The following HIVEP3 variants were observed in gnomAD, a reference collection of about 807,000 sequenced individuals.
The protein encoded by HIVEP3 is transcription factor HIVEP3.
Under a neutral mutation model 152.8 loss-of-function variants are expected in HIVEP3, and 49 were observed. The observed-to-expected ratio is 0.32, with a 90% CI of 0.26 to 0.41. The LOEUF is 0.41. Ranked by LOEUF, HIVEP3 falls within the 10% of genes least tolerant of loss-of-function variation. The pLI is 1.00. For missense variants in HIVEP3, 2,790 were observed against 3,103.3 expected (o/e 0.90, Z 2.40); for synonymous variants, 1,269 against 1,289.0 (o/e 0.98, Z 0.33).
chr1:41,650,249 C>A (rs181414790), intron 2 of HIVEP3, among the ~76,000 whole-genome samples: 1 of 152,066 alleles, frequency 6.6e-6, no homozygotes, highest in African/African-American at 2.4e-5. Context: ...TTTAGACTGG[C>A]GGCCCCACAA....
At chr1:41,991,518 C>T (rs1300088757) in intron 1 of HIVEP3, among the ~76,000 whole-genome samples, 1 of 148,168 alleles carries the variant, frequency 6.7e-6, no homozygotes, top group African/African-American at 2.5e-5. Flanking sequence ...AGCTTACCAA[C>T]CAAAAAGAGT....
intron 5 of HIVEP3, among the ~76,000 whole-genome samples, chr1:41,573,198 T>C (rs1453356555): frequency 6.6e-6 from 1 of 152,210 alleles, no homozygotes; most frequent in Non-Finnish European, 1.5e-5. Context: ...ACTGTGGGAT[T>C]GCAGAGGAGT....
intron 1 of HIVEP3, among the ~76,000 whole-genome samples, chr1:41,943,417 G>A (rs2124486760): frequency 6.6e-6 from 1 of 152,266 alleles, no homozygotes; most frequent in South Asian, 2.1e-4. Context: ...AAGAAACAAA[G>A]TAATCTATAA....
In HIVEP3 at chr1:41,582,721, C is replaced by T. The variant is rs771017062; in HGVS notation, c.2077G>A (p.Glu693Lys). ...TAATGCATCATTTGGGACCACGGCT[C>T]ATGCTCAATCTGACTCTTTTCAGCT... ...PEAEKSQIEH[E>K]PWSQMMHYKL... Residue 693 changes from glutamate to lysine, a missense_variant, in exon 4 of 9, where the codon GAG becomes AAG. Glu to Lys is a moderately conservative substitution (Grantham distance 56). Transcript: ENST00000372583. This position sits in a 1 kb window ranked among gnomAD's most constrained non-coding sequence, Gnocchi z 4.7. 3.1e-6 allele frequency: 5 copies of T among 1,614,202 alleles called. No individual in the cohort carries two copies. The highest frequency in any genetic ancestry group is 1.1e-5 in the South Asian group (1 of 91,086).
At chr1:41,625,162 C>CAAAAA (rs59268661) in intron 3 of HIVEP3, among the ~76,000 whole-genome samples, 137 of 71,276 alleles carry the variant, frequency 1.9e-3, no homozygotes, top group Middle Eastern at 0.014. Flanking sequence ...GATTCCAACT[C>CAAAAA]AAAAAAAAAA....
chr1:41,923,583 G>A (rs968256110), upstream of HIVEP3, among the ~76,000 whole-genome samples: 1 of 152,046 alleles, frequency 6.6e-6, no homozygotes, highest in African/African-American at 2.4e-5. Context: ...TGTACAGCAT[G>A]GTGACTACAG....
At chr1:41,693,431 A>T (rs1646226554) in intron 2 of HIVEP3, among the ~76,000 whole-genome samples, 1 of 152,168 alleles carries the variant, frequency 6.6e-6, no homozygotes, top group Admixed American at 6.5e-5. Flanking sequence ...GACTCTTCAC[A>T]TGCTTTGTAT....
intron 1 of HIVEP3, among the ~76,000 whole-genome samples, chr1:41,772,909 AAAAT>A (rs757772853): frequency 9.2e-5 from 14 of 152,182 alleles, no homozygotes; most frequent in South Asian, 2.1e-4. Flanking sequence ...CTGTATCAAA[AAAAT>A]AAATAAATAA....
At chr1:41,577,140 T>C (rs1331001408) in intron 4 of HIVEP3, among the ~76,000 whole-genome samples, 1 of 152,144 alleles carries the variant, frequency 6.6e-6, no homozygotes, top group Non-Finnish European at 1.5e-5. Context: ...AGTGTACCAC[T>C]TTCCCAGGAA....
intron 1 of HIVEP3, among the ~76,000 whole-genome samples, chr1:41,977,593 C>T (rs1460809146): frequency 6.6e-6 from 1 of 152,198 alleles, no homozygotes; most frequent in African/African-American, 2.4e-5. Context: ...CTAGGAAGTT[C>T]AGAAAATGTC....
At chr1:41,981,863 C>T (rs950831291) in intron 1 of HIVEP3, among the ~76,000 whole-genome samples, 3 of 152,114 alleles carry the variant, frequency 2.0e-5, no homozygotes, top group African/African-American at 7.2e-5. Flanking sequence ...AGTCTCGTGG[C>T]AAGTTCAGGC....
chr1:41,569,996 G>T (rs1377610141), intron 5 of HIVEP3, among the ~76,000 whole-genome samples: 1 of 152,242 alleles, frequency 6.6e-6, no homozygotes, highest in South Asian at 2.1e-4. Context: ...CAAAGGGTGG[G>T]TTCACTGATG....
At chr1:41,951,267 T>C (rs1645104963) in intron 1 of HIVEP3, among the ~76,000 whole-genome samples, 1 of 152,174 alleles carries the variant, frequency 6.6e-6, no homozygotes. Context: ...CAACTCATGG[T>C]GATAGAGTTC....
intron 5 of HIVEP3, among the ~76,000 whole-genome samples, chr1:41,529,184 A>C: frequency 3.3e-5 from 3 of 92,036 alleles, no homozygotes; most frequent in African/African-American, 4.4e-5. Flanking sequence ...CCCCACCCTC[A>C]CACTCACATG....
intron 6 of HIVEP3, among the ~76,000 whole-genome samples, chr1:41,520,434 T>G (rs910420068): frequency 5.9e-5 from 9 of 152,106 alleles, no homozygotes; most frequent in Non-Finnish European, 2.9e-5. Context: ...AGCCAGAGGG[T>G]CCTCAGAGGT....
chr1:41,630,627 A>T (rs2149150724), intron 2 of HIVEP3, among the ~76,000 whole-genome samples: 1 of 152,238 alleles, frequency 6.6e-6, no homozygotes, highest in South Asian at 2.1e-4. Flanking sequence ...CAGTCCTACC[A>T]TTGTAGGGAA....
rs548732918 is a variant in HIVEP3, at chr1:41,740,693, G to A, written c.-800-39698C>T. 2.6e-5 allele frequency among the ~76,000 whole-genome samples: 4 copies of A among 152,358 alleles called. No individual in the cohort carries two copies. The South Asian group carries it at 8.3e-4, about 32-fold the overall frequency. On this transcript the variant is annotated intron_variant, in intron 1 of 8. Coordinates refer to ENST00000372583, the MANE Select transcript of HIVEP3 (RefSeq NM_024503.5). Reference sequence around the variant, plus strand: ...CTTCACTCATCCTGACAACCAACGTGTGGGGGGACCCCACTCTGTGCCCCA... The same window carrying A: ...CTTCACTCATCCTGACAACCAACGTATGGGGGGACCCCACTCTGTGCCCCA...
At chr1:41,567,941 G>C (rs1401180666) in intron 5 of HIVEP3, among the ~76,000 whole-genome samples, 1 of 152,220 alleles carries the variant, frequency 6.6e-6, no homozygotes, top group African/African-American at 2.4e-5. Context: ...CTGAGACCCA[G>C]AGTCTCAATT....
At chr1:41,588,652 A>T (rs1316248948) in intron 3 of HIVEP3, among the ~76,000 whole-genome samples, 2 of 152,092 alleles carry the variant, frequency 1.3e-5, no homozygotes, top group Admixed American at 6.5e-5. Context: ...GTGTTTCTCC[A>T]AGCAGAGGCC....
Sources: allele counts gnomAD v4.1 joint callset (sites outside exome capture counted in the v4.1 genomes callset), GRCh38; gene constraint gnomAD v4.1.1; non-coding constraint Gnocchi (gnomAD v3.1); transcripts MANE v1.5; gene names NCBI Gene and HGNC (gene_info 2026-07-23, HGNC 2026-07-21).